SLC38A10: variants seen among roughly 807,000 people sequenced by gnomAD.
SLC38A10 encodes the protein Sodium-coupled neutral amino acid transporter 10.
Under a neutral mutation model 81.0 loss-of-function variants are expected in SLC38A10, and 53 were observed. The ratio of observed to expected loss-of-function variants is 0.65; its 90% CI spans 0.53 to 0.82. The LOEUF (loss-of-function observed/expected upper bound fraction) is 0.82. SLC38A10 is among the 40% of genes least tolerant of loss of function. The pLI is 0.00. For missense variants in SLC38A10, 1,471 were observed against 1,545.0 expected (o/e 0.95, Z 0.80); for synonymous variants, 665 against 655.3 (o/e 1.01, Z -0.23).
At position 81,277,026 on chromosome 17, in the gene SLC38A10, C is replaced by G; in HGVS notation, c.729+5G>C. 6.2e-7 allele frequency: 1 copy of G among 1,613,712 alleles called. No individual in the cohort carries two copies. ...GGGGCGGAGAGGGCGTGGCAAGGCT[C>G]TTACCATGACGTAGAAGGTGGTGAC... On this transcript the variant is annotated splice_donor_5th_base_variant and intron_variant, in intron 7 of 15. Coordinates refer to ENST00000374759, the MANE Select transcript of SLC38A10 (RefSeq NM_001037984.3). The surrounding 1 kb of genome is among the most constrained non-coding windows in gnomAD (Gnocchi z 4.5).
At chr17:81,287,435 C>T (rs2063276889) in intron 2 of SLC38A10, among the ~76,000 whole-genome samples, 2 of 152,212 alleles carry the variant, frequency 1.3e-5, no homozygotes, top group Admixed American at 1.3e-4. Context: ...TCTCATCTTA[C>T]CCTCCCCAGG....
At chr17:81,252,174 C>T (rs368975768) in intron 13 of SLC38A10, 21 bp downstream of exon 13, 101 of 1,495,114 alleles carry the variant, frequency 6.8e-5, no homozygotes, top group African/African-American at 5.2e-4. Context: ...TCTTCCGACA[C>T]GAGCCCAGGC....
At chr17:81,259,677 G>T (rs1390893994) in intron 11 of SLC38A10, among the ~76,000 whole-genome samples, 1 of 152,252 alleles carries the variant, frequency 6.6e-6, no homozygotes, top group African/African-American at 2.4e-5. Flanking sequence ...GAGGCGTCAG[G>T]GTTATGGGGC....
At chr17:81,275,629 G>C (rs955338368) in intron 8 of SLC38A10, among the ~76,000 whole-genome samples, 5 of 148,610 alleles carry the variant, frequency 3.4e-5, no homozygotes, top group African/African-American at 1.3e-4. Flanking sequence ...CTACACGGGA[G>C]GCTGAGGCAG....
In SLC38A10 at chr17:81,284,390, CAAGTT is replaced by C. The variant is rs1413279986; in HGVS notation, c.263+455_263+459del. Among the ~76,000 whole-genome samples, 3 of 152,076 alleles carry C rather than the reference CAAGTT, an allele frequency of 2.0e-5. No homozygotes were observed. In the East Asian group the frequency reaches 5.8e-4, roughly 29 times the overall value. ...ATTGAAAAAGCCCCACGATGTTAGTCAAGTTAAGAGAACAATCAACTGCTTTCAAA... is the reference window on the plus strand; with the variant it reads ...ATTGAAAAAGCCCCACGATGTTAGTCAAGAGAACAATCAACTGCTTTCAAA... On this transcript the variant is annotated intron_variant, in intron 3 of 15. Transcript: ENST00000374759.
At chr17:81,251,330 A>G (rs1214941611) in intron 14 of SLC38A10, 163 bp downstream of exon 14, 2 of 1,612,998 alleles carry the variant, frequency 1.2e-6, no homozygotes, top group Non-Finnish European at 1.7e-6. Context: ...GCTGATGGGA[A>G]GGGAGCAGAA....
chr17:81,294,961 G>T lies in SLC38A10; in HGVS notation c.-40C>A, dbSNP rs2063337270. 2 of 1,537,198 alleles carry T rather than the reference G, an allele frequency of 1.3e-6. No homozygotes were observed. The highest frequency in any genetic ancestry group is 1.2e-5 in the South Asian group (1 of 83,280). ...GGGCCCGGGGCGAGAGGCCTCGGGG[G>T]TCGCCGGGCTGCGGCCGGCTTTGGA... On this transcript the variant is annotated 5_prime_UTR_variant, in exon 1 of 16. Coordinates refer to ENST00000374759, the MANE Select transcript of SLC38A10 (RefSeq NM_001037984.3).
rs946287206 is a variant in SLC38A10, at chr17:81,288,504, C to T, written c.217+1187G>A. Among the ~76,000 whole-genome samples, 1 of 152,146 alleles carries T rather than the reference C, an allele frequency of 6.6e-6. No homozygotes were observed. Among genetic ancestry groups the T allele is most frequent in the Non-Finnish European group, 1.5e-5 (1 of 68,026 alleles). ...ATGCCCCCAGAATGGAACGTGGAGC[C>T]GAGAGGTGCCGAGCCTGTGGCGGGC... is the stretch of plus-strand genomic sequence containing the variant. On this transcript the variant is annotated intron_variant, in intron 2 of 15. Transcript: ENST00000374759. The surrounding 1 kb of genome is among the most constrained non-coding windows in gnomAD (Gnocchi z 5.4).
At chr17:81,248,526 C>G (rs2062875329) in intron 14 of SLC38A10, among the ~76,000 whole-genome samples, 1 of 152,264 alleles carries the variant, frequency 6.6e-6, no homozygotes, top group Non-Finnish European at 1.5e-5. Context: ...CCGCAAGCGG[C>G]TGTGACTTAT....
intron 2 of SLC38A10, 147 bp from the exon 3 acceptor site, chr17:81,285,042 C>A (rs541570173): frequency 5.2e-6 from 3 of 571,570 alleles, no homozygotes; most frequent in South Asian, 6.6e-5. Flanking sequence ...CAAATTCTGG[C>A]TGCCAGGTTA....
intron 4 of SLC38A10, 139 bp from the exon 5 acceptor site, chr17:81,282,471 T>C: frequency 8.2e-7 from 1 of 1,224,746 alleles, no homozygotes; most frequent in Non-Finnish European, 1.1e-6. Flanking sequence ...GGTCTGAGGC[T>C]GGCACACTCG....
Position 81,276,924 on chromosome 17 carries a change from C to G in SLC38A10, c.729+107G>C. The stretch of plus-strand genomic sequence containing the variant: ...CTGGGATGGGAACAGAGAGAAAAAC[C>G]CAGCAGCACACAGGGCCAGGGCCAT... On this transcript the variant is annotated intron_variant, in intron 7 of 15. Coordinates refer to ENST00000374759, the MANE Select transcript of SLC38A10 (RefSeq NM_001037984.3). This position sits in a 1 kb window ranked among gnomAD's most constrained non-coding sequence, Gnocchi z 4.7. The G allele has an allele frequency of 8.7e-7, 1 of 1,153,840 alleles. No individual in the cohort carries two copies. Among genetic ancestry groups the G allele is most frequent in the East Asian group, 2.4e-5 (1 of 41,126 alleles). The allele number at this position is 1,153,840 out of a possible 1,614,324, so 71.5% of individuals were successfully genotyped here. A position where few individuals can be genotyped will look rare whatever the true frequency, so the allele number is the denominator to read the frequency against.
At chr17:81,259,649 C>T (rs895547476) in intron 11 of SLC38A10, among the ~76,000 whole-genome samples, 3 of 152,188 alleles carry the variant, frequency 2.0e-5, no homozygotes, top group African/African-American at 2.4e-5. Flanking sequence ...CTCTGCACCC[C>T]GGGCTGTGCC....
chr17:81,293,029 G>A (rs1189117131), intron 1 of SLC38A10, among the ~76,000 whole-genome samples: 1 of 152,260 alleles, frequency 6.6e-6, no homozygotes, highest in Non-Finnish European at 1.5e-5. Context: ...CCGGCGTGGT[G>A]GCACATGCCT....
intron 1 of SLC38A10, among the ~76,000 whole-genome samples, chr17:81,293,872 T>G (rs568515090): frequency 1.3e-5 from 2 of 152,368 alleles, no homozygotes; most frequent in African/African-American, 4.8e-5. Flanking sequence ...AAATGCTTGT[T>G]TATTGTAGAT....
At chr17:81,272,334 A>G (rs2063123846) in intron 9 of SLC38A10, among the ~76,000 whole-genome samples, 182 bp downstream of exon 9, 1 of 152,070 alleles carries the variant, frequency 6.6e-6, no homozygotes, top group South Asian at 2.1e-4. Context: ...ACCTGGCTCA[A>G]GTTGCCAGAT....
rs1038451753 is a variant in SLC38A10, at chr17:81,244,827, G to GT, written c.*728dup. ...CTTCACTAATCAGGTTATCAGTGGT[G>GT]TTTTTTACTTTTTAAAAAAAGCCAC... On this transcript the variant is annotated 3_prime_UTR_variant, in exon 16 of 16. Coordinates refer to ENST00000374759, the MANE Select transcript of SLC38A10 (RefSeq NM_001037984.3). 1.3e-5 allele frequency among the ~76,000 whole-genome samples: 2 copies of GT among 152,194 alleles called. No homozygotes were observed. Among genetic ancestry groups the GT allele is most frequent in the Non-Finnish European group, 2.9e-5 (2 of 68,026 alleles).
Position 81,272,569 on chromosome 17 carries a change from AG to A in SLC38A10, c.970del (p.Thr325ProfsTer40). On this transcript the variant is annotated frameshift_variant, in exon 9 of 16. Transcript: ENST00000374759. LOFTEE classifies it high-confidence loss of function. ...GGTTCCAAACACCACAGAGAGGGTAAGTGCTTTAAACCGGAGAGGGGGCATG... is the reference window on the plus strand; with the variant it reads ...GGTTCCAAACACCACAGAGAGGGTAATGCTTTAAACCGGAGAGGGGGCATG... The part of the protein sequence containing the change: ...GYMPPLRFKA[L>X]TLSVVFGTMV... 6.3e-7 allele frequency: 1 copy of A among 1,596,086 alleles called. No homozygotes were observed. Among genetic ancestry groups the A allele is most frequent in the Non-Finnish European group, 8.5e-7 (1 of 1,172,432 alleles).
rs758894841 is a variant in SLC38A10, at chr17:81,280,670, C to T, written c.565G>A (p.Val189Ile). 1.9e-5 allele frequency: 30 copies of T among 1,610,174 alleles called. No homozygotes were observed. Among genetic ancestry groups the T allele is most frequent in the Admixed American group, 1.3e-4 (8 of 59,790 alleles). Residue 189 changes from valine to isoleucine, a missense_variant, in exon 6 of 16, where the codon GTC becomes ATC. Physicochemically the swap from Val to Ile is conservative, Grantham distance 29 (BLOSUM62 3). Coordinates refer to ENST00000374759, the MANE Select transcript of SLC38A10 (RefSeq NM_001037984.3). ...CAGCGGAAGACGCCCTCCCAGCGGA[C>T]GTAGCTGACCCGCCGCAGCCACTGC... The part of the protein sequence containing the change: ...SGQWLRRVSY[V>I]RWEGVFRCIP...
Sources: allele counts gnomAD v4.1 joint callset (sites outside exome capture counted in the v4.1 genomes callset), GRCh38; gene constraint gnomAD v4.1.1; non-coding constraint Gnocchi (gnomAD v3.1); transcripts MANE v1.5; gene names NCBI Gene and HGNC (gene_info 2026-07-23, HGNC 2026-07-21).